The following TRAPPC5 variants were observed in gnomAD, a reference collection of about 807,000 sequenced individuals.
The protein encoded by TRAPPC5 is trafficking protein particle complex 5.
Under a neutral mutation model 9.8 loss-of-function variants are expected in TRAPPC5, and 5 were observed. The ratio of observed to expected loss-of-function variants is 0.51; its 90% CI spans 0.27 to 1.07. The LOEUF (loss-of-function observed/expected upper bound fraction) is 1.07, where lower values mean the gene tolerates loss of function less well. TRAPPC5 is among the 50% of genes least tolerant of loss of function. TRAPPC5 has a pLI of 0.12. For missense variants in TRAPPC5, 243 were observed against 291.5 expected, an observed-to-expected ratio of 0.83 and a Z score of 1.21; for synonymous variants, 146 against 140.7, an observed-to-expected ratio of 1.04 and a Z score of -0.26.
rs1399366688 is a variant in TRAPPC5 at position 7,683,736 on chromosome 19, C to T, written c.*916C>T. On this transcript the variant is annotated 3_prime_UTR_variant, in exon 2 of 2. Coordinates refer to ENST00000596148, the MANE Select transcript of TRAPPC5 (RefSeq NM_001042462.2). ...GGCTTCGGCTCACTGCAAGCTCCGC[C>T]TCCCGGGTTCATGTCATTCTCCTGC... The T allele has an allele frequency of 6.6e-6, 1 of 152,114 alleles. No homozygotes were observed. The highest frequency in any genetic ancestry group is 1.5e-5 in the Non-Finnish European group (1 of 68,044). The allele number at this position is 152,114 out of a possible 1,614,324, so 9.4% of individuals were successfully genotyped here. A position where few individuals can be genotyped will look rare whatever the true frequency, so the allele number is the denominator to read the frequency against.
chr19:7,682,275 G>A lies in TRAPPC5; in HGVS notation c.22G>A (p.Gly8Arg), dbSNP rs904338921. Reference protein sequence around the residue: MEARFTRGKSALLERALA... With the variant: MEARFTRRKSALLERALA... ...CGGCATGGAGGCGCGCTTCACGCGCGGGAAGTCGGCGCTGCTGGAGCGCGC... is the reference window on the plus strand; with the variant it reads ...CGGCATGGAGGCGCGCTTCACGCGCAGGAAGTCGGCGCTGCTGGAGCGCGC... The change falls in exon 2 of 2, where the codon GGG (glycine) becomes AGG (arginine). Residue 8 changes from glycine (G) to arginine (R), a missense_variant. Physicochemically the swap from Gly to Arg is moderately radical, Grantham distance 125. Around this residue, in one of 2 missense-constraint regions of TRAPPC5, gnomAD observed 89 missense variants for 75.7 expected, o/e 1.18. Coordinates refer to ENST00000596148, the MANE Select transcript of TRAPPC5 (RefSeq NM_001042462.2). This position sits in a 1 kb window ranked among gnomAD's most constrained non-coding sequence, Gnocchi z 8.6. The A allele has an allele frequency of 2.1e-6, 3 of 1,417,540 alleles. No individual in the cohort carries two copies. The highest frequency in any genetic ancestry group is 3.5e-5 in the Admixed American group (1 of 28,824). 87.8% of individuals were successfully genotyped at this position (1,417,540 alleles called of 1,614,324 possible).
Position 7,685,825 on chromosome 19 carries a change from G to C in TRAPPC5, c.*3005G>C, listed in dbSNP as rs923795503. Reference sequence around the variant, plus strand: ...TCTGGAATGAGGGGGAGGCGTCTAGGGGGCCAGCAGATGCACAGGTCTTGG... The same window carrying C: ...TCTGGAATGAGGGGGAGGCGTCTAGCGGGCCAGCAGATGCACAGGTCTTGG... On this transcript the variant is annotated 3_prime_UTR_variant, in exon 2 of 2. Transcript: ENST00000596148. 4 of 152,542 alleles carry C rather than the reference G, an allele frequency of 2.6e-5. No individual in the cohort carries two copies. In the East Asian group the frequency reaches 7.7e-4, roughly 29 times the overall value. The allele number at this position is 152,542 out of a possible 1,614,324, so 9.4% of individuals were successfully genotyped here. A position where few individuals can be genotyped will look rare whatever the true frequency, so the allele number is the denominator to read the frequency against.
chr19:7,683,562 A>T lies in TRAPPC5; in HGVS notation c.*742A>T, dbSNP rs575710923. 17 of 152,158 alleles carry T rather than the reference A, an allele frequency of 1.1e-4. No individual in the cohort carries two copies. The highest frequency in any genetic ancestry group is 3.1e-4 in the African/African-American group (13 of 41,492). 9.4% of individuals were successfully genotyped at this position (152,158 alleles called of 1,614,324 possible). On this transcript the variant is annotated 3_prime_UTR_variant, in exon 2 of 2. Coordinates refer to ENST00000596148, the MANE Select transcript of TRAPPC5 (RefSeq NM_001042462.2). ...TTACTCCGCTGATGTACTGAATGCA[A>T]CCACAGACAACATGTAAAGGAGTGG...
Position 7,682,013 on chromosome 19 carries a change from G to A in TRAPPC5, c.-12-229G>A, listed in dbSNP as rs1226197954. On this transcript the variant is annotated intron_variant, in intron 1 of 1. Transcript: ENST00000596148. The surrounding 1 kb of genome is among the most constrained non-coding windows in gnomAD (Gnocchi z 8.6). ...ACCTTGTCCCCACTCCCGCTAGCCC[G>A]CTGCCTGCCGAGGGTATAAGACTCC... Among the ~76,000 whole-genome samples, 2 of 152,082 alleles carry A rather than the reference G, an allele frequency of 1.3e-5. No individual in the cohort carries two copies. The highest frequency in any genetic ancestry group is 4.8e-5 in the African/African-American group (2 of 41,400).
chr19:7,682,409 G>A lies in TRAPPC5; in HGVS notation c.156G>A (p.Ser52=). 1.3e-6 allele frequency: 2 copies of A among 1,585,668 alleles called. No homozygotes were observed. The highest frequency in any genetic ancestry group is 1.8e-4 in the Middle Eastern group (1 of 5,648). Residue 52 remains serine, a synonymous_variant, in exon 2 of 2, where the codon TCG becomes TCA. Transcript: ENST00000596148. This position sits in a 1 kb window ranked among gnomAD's most constrained non-coding sequence, Gnocchi z 8.6. ...SRVFSVAELQ[S]RLAALGRQVG... ...TCTTCTCCGTGGCCGAGCTGCAGTC[G>A]CGCCTGGCCGCGCTGGGCCGCCAGG... is the stretch of plus-strand genomic sequence containing the variant.
In TRAPPC5 at chr19:7,682,243, G is replaced by C. The variant is rs80109157; in HGVS notation, c.-11G>C. ...CTGCACTTCCTGGTCTCCCCGCAGG[G>C]TGGCGGCGGCATGGAGGCGCGCTTC... On this transcript the variant is annotated splice_region_variant and 5_prime_UTR_variant, in exon 2 of 2. Transcript: ENST00000596148. This position sits in a 1 kb window ranked among gnomAD's most constrained non-coding sequence, Gnocchi z 8.6. The C allele has an allele frequency of 0.1, 142,396 of 1,388,610 alleles. 8,279 individuals are homozygous for C. Among genetic ancestry groups the C allele is most frequent in the Non-Finnish European group, 0.12 (128,009 of 1,078,258 alleles). The allele number at this position is 1,388,610 out of a possible 1,614,324, so 86.0% of individuals were successfully genotyped here. A position where few individuals can be genotyped will look rare whatever the true frequency, so the allele number is the denominator to read the frequency against.
In TRAPPC5 at chr19:7,682,848, GC is replaced by G. The variant is rs1479586052; in HGVS notation, c.*32del. Reference sequence around the variant, plus strand: ...CTGCCGGAGATAAAGGATACAGAGAGCCCCTCCCCACGTGTGTCTTGTGTCT... The same window carrying G: ...CTGCCGGAGATAAAGGATACAGAGAGCCCTCCCCACGTGTGTCTTGTGTCT... On this transcript the variant is annotated 3_prime_UTR_variant, in exon 2 of 2. Transcript: ENST00000596148. The surrounding 1 kb of genome is among the most constrained non-coding windows in gnomAD (Gnocchi z 8.6). 1.3e-6 allele frequency: 2 copies of G among 1,541,362 alleles called. No homozygotes were observed. Among genetic ancestry groups the G allele is most frequent in the Non-Finnish European group, 1.8e-6 (2 of 1,138,848 alleles).
chr19:7,682,977 G>T lies in TRAPPC5; in HGVS notation c.*157G>T. On this transcript the variant is annotated 3_prime_UTR_variant, in exon 2 of 2. Transcript: ENST00000596148. This position sits in a 1 kb window ranked among gnomAD's most constrained non-coding sequence, Gnocchi z 8.6. ...TGTGTTTACAGTAGAGTGGGGGCGG[G>T]TCTGGCCATAGGGTTGGGGGGTTGA... The T allele has an allele frequency of 6.1e-6, 5 of 821,630 alleles. No homozygotes were observed. The East Asian group carries it at 1.4e-4, about 22-fold the overall frequency. 50.9% of individuals were successfully genotyped at this position (821,630 alleles called of 1,614,324 possible).
Position 7,686,229 on chromosome 19 carries a change from C to G in TRAPPC5, c.*3409C>G, listed in dbSNP as rs559363147. The G allele has an allele frequency of 1.3e-5, 2 of 152,492 alleles. No individual in the cohort carries two copies. The highest frequency in any genetic ancestry group is 4.8e-5 in the African/African-American group (2 of 41,564). The allele number at this position is 152,492 out of a possible 1,614,324, so 9.4% of individuals were successfully genotyped here. ...TAGGGGGCTTGAGGAGAAGGGAAAA[C>G]GTTTGAACAAGCTGTAGGGTTATGA... On this transcript the variant is annotated 3_prime_UTR_variant, in exon 2 of 2. Coordinates refer to ENST00000596148, the MANE Select transcript of TRAPPC5 (RefSeq NM_001042462.2).
At position 7,681,232 on chromosome 19, in the gene TRAPPC5, G is replaced by A. The variant is rs1001734944; in HGVS notation, c.-13+354G>A. ...CGGAGCCCCTGGGACACCCCTCCCC[G>A]CTGGTTCTCCCACCTCCCACGCAGA... On this transcript the variant is annotated intron_variant, in intron 1 of 1. Coordinates refer to ENST00000596148, the MANE Select transcript of TRAPPC5 (RefSeq NM_001042462.2). The surrounding 1 kb of genome is among the most constrained non-coding windows in gnomAD (Gnocchi z 8.7). Among the ~76,000 whole-genome samples the A allele has an allele frequency of 2.6e-5, 4 of 151,836 alleles. No homozygotes were observed. The highest frequency in any genetic ancestry group is 4.4e-5 in the Non-Finnish European group (3 of 67,904).
rs771166688 is a variant in TRAPPC5 at position 7,682,411 on chromosome 19, G to A, written c.158G>A (p.Arg53His). Residue 53 changes from arginine (R) to histidine (H), a missense_variant, in exon 2 of 2, where the codon CGC (arginine) becomes CAC (histidine). Coordinates refer to ENST00000596148, the MANE Select transcript of TRAPPC5 (RefSeq NM_001042462.2). The surrounding 1 kb of genome is among the most constrained non-coding windows in gnomAD (Gnocchi z 8.6). ...TTCTCCGTGGCCGAGCTGCAGTCGCGCCTGGCCGCGCTGGGCCGCCAGGTG... is the reference window on the plus strand; with the variant it reads ...TTCTCCGTGGCCGAGCTGCAGTCGCACCTGGCCGCGCTGGGCCGCCAGGTG... ...RVFSVAELQS[R>H]LAALGRQVGA... is the part of the protein sequence containing the mutation. 13 of 1,587,702 alleles carry A rather than the reference G, an allele frequency of 8.2e-6. No individual in the cohort carries two copies. The highest frequency in any genetic ancestry group is 8.6e-6 in the Non-Finnish European group (10 of 1,168,008).
chr19:7,682,381 G>T lies in TRAPPC5; in HGVS notation c.128G>T (p.Arg43Leu). The T allele has an allele frequency of 6.4e-7, 1 of 1,570,580 alleles. No individual in the cohort carries two copies. The stretch of plus-strand genomic sequence containing the variant: ...GAGCTGGTACAGCACTGCCAGAGCC[G>T]CGTCTTCTCCGTGGCCGAGCTGCAG... ...FSELVQHCQSRVFSVAELQSR... is the reference protein window; with the variant it reads ...FSELVQHCQSLVFSVAELQSR... Residue 43 changes from arginine to leucine, a missense_variant, in exon 2 of 2, where the codon CGC becomes CTC. By Grantham distance (102) the Arg-to-Leu change is moderately radical. Coordinates refer to ENST00000596148, the MANE Select transcript of TRAPPC5 (RefSeq NM_001042462.2). The surrounding 1 kb of genome is among the most constrained non-coding windows in gnomAD (Gnocchi z 8.6).
At position 7,683,174 on chromosome 19, in the gene TRAPPC5, C is replaced by T. The variant is rs540673960; in HGVS notation, c.*354C>T. 6.7e-5 allele frequency: 19 copies of T among 281,846 alleles called. 2 individuals carry two copies. The highest frequency in any genetic ancestry group is 4.8e-4 in the South Asian group (6 of 12,470). 17.5% of individuals were successfully genotyped at this position (281,846 alleles called of 1,614,324 possible). A position where few individuals can be genotyped will look rare whatever the true frequency, so the allele number is the denominator to read the frequency against. On this transcript the variant is annotated 3_prime_UTR_variant, in exon 2 of 2. Transcript: ENST00000596148. ...CTTTAGACTGGGGGTGGGCAAACTG[C>T]GCAAAGTGCCAGATGGGCAATATTT...
rs1055977439 is a variant in TRAPPC5 at position 7,686,207 on chromosome 19, G to A, written c.*3387G>A. 7 of 152,368 alleles carry A rather than the reference G, an allele frequency of 4.6e-5. No individual in the cohort carries two copies. The highest frequency in any genetic ancestry group is 1.7e-4 in the African/African-American group (7 of 41,446). 9.4% of individuals were successfully genotyped at this position (152,368 alleles called of 1,614,324 possible). On this transcript the variant is annotated 3_prime_UTR_variant, in exon 2 of 2. Transcript: ENST00000596148. The stretch of plus-strand genomic sequence containing the variant: ...CCACCGGCCACCGAGGGTGAGTTAG[G>A]GGGCTTGAGGAGAAGGGAAAACGTT...
rs1260978256 is a variant in TRAPPC5, at chr19:7,682,514, C to T, written c.261C>T (p.Leu87=). The T allele has an allele frequency of 1.9e-6, 3 of 1,613,040 alleles. No individual in the cohort carries two copies. The highest frequency in any genetic ancestry group is 1.7e-6 in the Non-Finnish European group (2 of 1,179,964). Residue 87 remains leucine, a synonymous_variant, in exon 2 of 2, where the codon CTC becomes CTT. Coordinates refer to ENST00000596148, the MANE Select transcript of TRAPPC5 (RefSeq NM_001042462.2). This position sits in a 1 kb window ranked among gnomAD's most constrained non-coding sequence, Gnocchi z 8.6. The part of the protein sequence containing the change: ...RRETKVLGAL[L]FVKGAVWKAL... ...AGACCAAGGTGCTAGGCGCGTTGCT[C>T]TTCGTCAAGGGCGCCGTGTGGAAGG...
In TRAPPC5 at chr19:7,681,887, CG is replaced by C. The variant is rs1478031542; in HGVS notation, c.-12-353del. Among the ~76,000 whole-genome samples the C allele has an allele frequency of 6.6e-6, 1 of 152,092 alleles. No individual in the cohort carries two copies. Among genetic ancestry groups the C allele is most frequent in the Non-Finnish European group, 1.5e-5 (1 of 68,006 alleles). ...GTTTTCTAGTTACTCCTGTAGGTGG[CG>C]GAGCGGGCAGGAAGGCGCTTTCGCA... is the stretch of plus-strand genomic sequence containing the variant. On this transcript the variant is annotated intron_variant, in intron 1 of 1. Coordinates refer to ENST00000596148, the MANE Select transcript of TRAPPC5 (RefSeq NM_001042462.2). This position sits in a 1 kb window ranked among gnomAD's most constrained non-coding sequence, Gnocchi z 8.7.
In TRAPPC5 at chr19:7,683,106, G is replaced by T. The variant is rs375078318; in HGVS notation, c.*286G>T. ...GTTGGAGGCTGTCTGCAGGCTGGAGGGGGCATGGGGTCCTGGGAGACGCAT... is the reference window on the plus strand; with the variant it reads ...GTTGGAGGCTGTCTGCAGGCTGGAGTGGGCATGGGGTCCTGGGAGACGCAT... On this transcript the variant is annotated 3_prime_UTR_variant, in exon 2 of 2. Coordinates refer to ENST00000596148, the MANE Select transcript of TRAPPC5 (RefSeq NM_001042462.2). 2.3e-5 allele frequency: 11 copies of T among 486,316 alleles called. No homozygotes were observed. The East Asian group carries it at 2.8e-4, about 12-fold the overall frequency. The allele number at this position is 486,316 out of a possible 1,614,324, so 30.1% of individuals were successfully genotyped here.
At position 7,682,126 on chromosome 19, in the gene TRAPPC5, C is replaced by A; in HGVS notation, c.-12-116C>A. ...AGTGGGAAGTCGGCACTGGAGCACA[C>A]AACAGTGGCATGGGTCGAGGGTGTC... On this transcript the variant is annotated intron_variant, in intron 1 of 1. Transcript: ENST00000596148. This position sits in a 1 kb window ranked among gnomAD's most constrained non-coding sequence, Gnocchi z 8.6. 1 of 837,978 alleles carries A rather than the reference C, an allele frequency of 1.2e-6. No individual in the cohort carries two copies. Among genetic ancestry groups the A allele is most frequent in the Non-Finnish European group, 1.7e-6 (1 of 589,236 alleles). 51.9% of individuals were successfully genotyped at this position (837,978 alleles called of 1,614,324 possible). A position where few individuals can be genotyped will look rare whatever the true frequency, so the allele number is the denominator to read the frequency against.
chr19:7,682,558 C>T lies in TRAPPC5; in HGVS notation c.305C>T (p.Ala102Val), dbSNP rs772747413. The T allele has an allele frequency of 1.5e-5, 24 of 1,612,610 alleles. No homozygotes were observed. The East Asian group carries it at 4.0e-4, about 27-fold the overall frequency. Reference sequence around the variant, plus strand: ...TGGAAGGCGCTCTTCGGCAAGGAGGCGGACAAGCTGGAGCAGGCCAACGAT... The same window carrying T: ...TGGAAGGCGCTCTTCGGCAAGGAGGTGGACAAGCTGGAGCAGGCCAACGAT... ...AVWKALFGKEADKLEQANDDA... is the reference protein window; with the variant it reads ...AVWKALFGKEVDKLEQANDDA... The change falls in exon 2 of 2, where the codon GCG becomes GTG. Residue 102 changes from alanine (A) to valine (V), a missense_variant. Coordinates refer to ENST00000596148, the MANE Select transcript of TRAPPC5 (RefSeq NM_001042462.2). The surrounding 1 kb of genome is among the most constrained non-coding windows in gnomAD (Gnocchi z 8.6).
Sources: gnomAD v4.1 joint callset for allele counts (sites outside exome capture counted in the v4.1 genomes callset) on GRCh38, gnomAD v4.1.1 for gene constraint, gnomAD v4.1.1 regional missense constraint, Gnocchi (gnomAD v3.1) non-coding constraint, MANE v1.5 for transcripts, NCBI Gene and HGNC (gene_info 2026-07-23, HGNC 2026-07-21) for gene names.